PFKP: variants seen among roughly 807,000 people sequenced by gnomAD.
The protein encoded by PFKP is ATP-dependent 6-phosphofructokinase, platelet type.
Under a neutral mutation model 94.3 loss-of-function variants are expected in PFKP, and 101 were observed. That is an observed-to-expected ratio of 1.07 (90% confidence interval 0.91 to 1.26). The LOEUF (loss-of-function observed/expected upper bound fraction) is 1.26. Among genes scored for constraint, PFKP ranks in the 50% most tolerant of loss-of-function variants. The pLI is 0.00. For synonymous variants in PFKP, 573 were observed against 432.6 expected (o/e 1.32, Z -4.03); for missense variants, 1,145 against 1,103.3 (o/e 1.04, Z -0.53).
In PFKP at chr10:3,135,872, C is replaced by T. The variant is rs376674545; in HGVS notation, c.2225+34C>T. The T allele has an allele frequency of 6.1e-6, 8 of 1,307,256 alleles. No individual in the cohort carries two copies. The Admixed American group carries it at 6.7e-5, about 11-fold the overall frequency. 81.0% of individuals were successfully genotyped at this position (1,307,256 alleles called of 1,614,324 possible). ...GCTGGGTTCCCTGAGGCAATAAGAC[C>T]CCAATGTGAGTACGGGACAGGGGAA... On this transcript the variant is annotated intron_variant, in intron 21 of 21. Transcript: ENST00000381125.
At position 3,068,253 on chromosome 10, in the gene PFKP, G is replaced by A. The variant is rs376231659; in HGVS notation, c.112+546G>A. ...GCTGGGTCCCCGCGCGCCTCCTGTCGCCTCGTGCCCTGCGCGGCGTGGGCG... is the reference window on the plus strand; with the variant it reads ...GCTGGGTCCCCGCGCGCCTCCTGTCACCTCGTGCCCTGCGCGGCGTGGGCG... On this transcript the variant is annotated intron_variant, in intron 1 of 21. Coordinates refer to ENST00000381125, the MANE Select transcript of PFKP (RefSeq NM_002627.5). Among the ~76,000 whole-genome samples the A allele has an allele frequency of 1.1e-3, 166 of 152,258 alleles. 2 individuals carry two copies. In the East Asian group the frequency reaches 0.027, roughly 25 times the overall value.
At chr10:3,105,276 G>A in intron 6 of PFKP, 117 bp downstream of exon 6, 2 of 1,308,138 alleles carry the variant, frequency 1.5e-6, no homozygotes, top group Non-Finnish European at 1.1e-6. Context: ...GAAGGGGCCG[G>A]CATCCCGCTT....
At chr10:3,131,120 TAA>T (rs977866797) in intron 17 of PFKP, among the ~76,000 whole-genome samples, 2 of 152,078 alleles carry the variant, frequency 1.3e-5, no homozygotes, top group Admixed American at 6.5e-5. Flanking sequence ...ATATATTTTA[TAA>T]AAAGATGTTT....
Position 3,105,106 on chromosome 10 carries a change from C to A in PFKP, c.621-9C>A. 6.2e-7 allele frequency: 1 copy of A among 1,613,700 alleles called. No individual in the cohort carries two copies. ...GCTGTGTCCGGGGCTCCCTCTGTTT[C>A]TCTTCCAGCCACCAGAGGACCTTCG... On this transcript the variant is annotated splice_polypyrimidine_tract_variant and intron_variant, in intron 5 of 21. Transcript: ENST00000381125.
intron 7 of PFKP, 80 bp from the exon 8 acceptor site, chr10:3,107,134 A>T (rs896001567): frequency 2.3e-6 from 2 of 875,164 alleles, no homozygotes; most frequent in Admixed American, 3.7e-5. Flanking sequence ...TCAGTTTGAG[A>T]CAGACTTCTG....
At position 3,107,769 on chromosome 10, in the gene PFKP, G is replaced by A. The variant is rs73573183; in HGVS notation, c.870+460G>A. ...ATTCTTACAAAGCCACTGTGTCCTC[G>A]TGGCCCTGCCTGGGAACAGGCTTTG... On this transcript the variant is annotated intron_variant, in intron 8 of 21. Coordinates refer to ENST00000381125, the MANE Select transcript of PFKP (RefSeq NM_002627.5). 3,425 of 985,322 alleles carry A rather than the reference G, an allele frequency of 3.5e-3. 86 individuals carry two copies. The African/African-American group carries it at 0.053, about 15-fold the overall frequency. 61.0% of individuals were successfully genotyped at this position (985,322 alleles called of 1,614,324 possible).
chr10:3,092,679 A>G (rs899577521), intron 2 of PFKP, among the ~76,000 whole-genome samples: 6 of 97,322 alleles, frequency 6.2e-5, no homozygotes, highest in African/African-American at 1.7e-4. Flanking sequence ...AATAAAATTG[A>G]AAAAATATGG....
At chr10:3,117,451 A>G (rs1836948346) in intron 14 of PFKP, among the ~76,000 whole-genome samples, 4 of 152,232 alleles carry the variant, frequency 2.6e-5, no homozygotes, top group Admixed American at 2.0e-4. Context: ...ATCACTACAC[A>G]TTACAATTTC....
At chr10:3,089,225 C>T (rs1448170713) in intron 2 of PFKP, among the ~76,000 whole-genome samples, 1 of 152,176 alleles carries the variant, frequency 6.6e-6, no homozygotes. Flanking sequence ...TGAACCACCA[C>T]GCCCATATGC....
chr10:3,104,059 G>A (rs894128604), intron 5 of PFKP, 115 bp downstream of exon 5: 38 of 910,188 alleles, frequency 4.2e-5, no homozygotes, highest in Middle Eastern at 2.3e-4. Flanking sequence ...TGCTGGTCTC[G>A]TAACTTGACT....
rs1588475410 is a variant in PFKP, at chr10:3,105,097, CCTCT to C, written c.621-17_621-14del. ...GCTTTCTGAGCTGTGTCCGGGGCTC[CCTCT>C]GTTTCTCTTCCAGCCACCAGAGGAC... On this transcript the variant is annotated splice_polypyrimidine_tract_variant and intron_variant, in intron 5 of 21. Transcript: ENST00000381125. 1 of 1,613,402 alleles carries C rather than the reference CCTCT, an allele frequency of 6.2e-7. No homozygotes were observed. Among genetic ancestry groups the C allele is most frequent in the East Asian group, 2.2e-5 (1 of 44,864 alleles).
chr10:3,102,267 A>C (rs1012118525), intron 4 of PFKP, among the ~76,000 whole-genome samples: 3 of 148,572 alleles, frequency 2.0e-5, no homozygotes, highest in African/African-American at 7.3e-5. Flanking sequence ...AAAAAAAAAA[A>C]AAAAAACTGA....
intron 11 of PFKP, 62 bp downstream of exon 11, chr10:3,112,348 T>C (rs993415604): frequency 3.3e-6 from 4 of 1,198,084 alleles, no homozygotes; most frequent in Non-Finnish European, 5.0e-6. Flanking sequence ...GCCCAGCCAC[T>C]GCAAACGTGC....
chr10:3,136,795 G>A lies in PFKP; in HGVS notation c.*216G>A, dbSNP rs2388564. On this transcript the variant is annotated 3_prime_UTR_variant, in exon 22 of 22. Transcript: ENST00000381125. ...CAGAATTAATTAAACATTTGCCTATGACTCCAACAGTCCTCTGTTTTAGTT... is the reference window on the plus strand; with the variant it reads ...CAGAATTAATTAAACATTTGCCTATAACTCCAACAGTCCTCTGTTTTAGTT... 187,973 of 453,440 alleles carry A rather than the reference G, an allele frequency of 0.41. 39,222 individuals carry two copies. The highest frequency in any genetic ancestry group is 0.49 in the African/African-American group (24,722 of 50,270). The allele number at this position is 453,440 out of a possible 1,614,324, so 28.1% of individuals were successfully genotyped here.
chr10:3,105,419 C>G lies in PFKP; in HGVS notation c.692C>G (p.Ala231Gly). The part of the protein sequence containing the change: ...CGYLALVSAL[A>G]CGADWVFLPE... ...TACCTGGCCCTGGTGAGTGCCTTGG[C>G]CTGCGGTGCGGACTGGGTGTTCCTT... The change falls in exon 7 of 22, where the codon GCC (alanine) becomes GGC (glycine). Residue 231 changes from alanine to glycine, a missense_variant. Physicochemically the swap from Ala to Gly is moderately conservative, Grantham distance 60. This residue lies in a region of PFKP where 1,119 missense variants were observed against 1,062.8 expected (regional missense o/e 1.05). Coordinates refer to ENST00000381125, the MANE Select transcript of PFKP (RefSeq NM_002627.5). The G allele has an allele frequency of 6.2e-7, 1 of 1,613,864 alleles. No homozygotes were observed.
chr10:3,110,062 C>T (rs1423808812), intron 10 of PFKP, among the ~76,000 whole-genome samples: 9 of 152,084 alleles, frequency 5.9e-5, no homozygotes, highest in African/African-American at 1.4e-4. Flanking sequence ...TCTGGTCACC[C>T]GAAGATACAC....
intron 1 of PFKP, among the ~76,000 whole-genome samples, chr10:3,080,663 C>T (rs1410174869): frequency 5.9e-5 from 9 of 152,058 alleles, no homozygotes; most frequent in Non-Finnish European, 1.2e-4. Flanking sequence ...AGCTCTCCAA[C>T]GGGGTGGGGC....
At chr10:3,107,154 T>C in intron 7 of PFKP, 60 bp from the exon 8 acceptor site, 1 of 1,036,652 alleles carries the variant, frequency 9.6e-7, no homozygotes. Flanking sequence ...GTGGTTTTGT[T>C]GCATTTGTTG....
rs764317393 is a variant in PFKP, at chr10:3,113,455, C to T, written c.1308C>T (p.Gly436=). The change falls in exon 13 of 22, where the codon GGC becomes GGT. Residue 436 remains glycine (G), a synonymous_variant. Coordinates refer to ENST00000381125, the MANE Select transcript of PFKP (RefSeq NM_002627.5). ...NAAVRSAVRV[G]IADGHRMLAI... Reference sequence around the variant, plus strand: ...CCGTACGCTCAGCTGTGCGCGTGGGCATTGCCGACGGCCACAGGATGCTCG... The same window carrying T: ...CCGTACGCTCAGCTGTGCGCGTGGGTATTGCCGACGGCCACAGGATGCTCG... 1.2e-6 allele frequency: 2 copies of T among 1,612,828 alleles called. No homozygotes were observed. Among genetic ancestry groups the T allele is most frequent in the Non-Finnish European group, 1.7e-6 (2 of 1,179,622 alleles).
Sources: allele counts gnomAD v4.1 joint callset (sites outside exome capture counted in the v4.1 genomes callset), GRCh38; gene constraint gnomAD v4.1.1; regional missense constraint gnomAD v4.1.1; transcripts MANE v1.5; gene names NCBI Gene and HGNC (gene_info 2026-07-23, HGNC 2026-07-21).